Variants in TMTC4 observed in about 807,000 individuals in gnomAD.
TMTC4 encodes protein O-mannosyl-transferase TMTC4.
In TMTC4, 65 loss-of-function variants were observed where a neutral mutation model predicts 86.0. The ratio of observed to expected loss-of-function variants is 0.76; its 90% confidence interval spans 0.62 to 0.93. The LOEUF (loss-of-function observed/expected upper bound fraction) is 0.93, where lower values mean the gene tolerates loss of function less well. TMTC4 is among the 40% of genes least tolerant of loss of function. The pLI is 0.00. For missense variants in TMTC4, 866 were observed against 948.1 expected, an observed-to-expected ratio of 0.91 and a Z score of 1.14; for synonymous variants, 379 against 382.5, an observed-to-expected ratio of 0.99 and a Z score of 0.11.
In TMTC4 at chr13:100,674,234, G is replaced by A. The variant is rs1260778597; in HGVS notation, c.-208+510C>T. ...CTCCGCAGCCGAGCGTGGAGTAGCA[G>A]GCGCTCGCGGCGCGGCGGGGGAGCC... is the stretch of plus-strand genomic sequence containing the variant. On this transcript the variant is annotated intron_variant, in intron 1 of 18. Coordinates refer to ENST00000342624, the MANE Select transcript of TMTC4 (RefSeq NM_032813.5). The A allele has an allele frequency of 1.3e-5, 13 of 980,862 alleles. No individual in the cohort carries two copies. In the East Asian group the frequency reaches 1.3e-3, roughly 96 times the overall value. 60.8% of individuals were successfully genotyped at this position (980,862 alleles called of 1,614,324 possible).
chr13:100,658,828 G>A (rs1039394345), intron 5 of TMTC4, among the ~76,000 whole-genome samples: 1 of 152,214 alleles, frequency 6.6e-6, no homozygotes, highest in Admixed American at 6.5e-5. Flanking sequence ...AGTATGGGAA[G>A]TGTTTTAAAG....
chr13:100,642,711 G>T (rs1190018600), intron 6 of TMTC4, among the ~76,000 whole-genome samples: 2 of 152,166 alleles, frequency 1.3e-5, no homozygotes, highest in African/African-American at 4.8e-5. Flanking sequence ...GACCCCAATG[G>T]TCACTGCTGC....
chr13:100,638,263 C>T lies in TMTC4; in HGVS notation c.742-241G>A, dbSNP rs570345718. 7.9e-5 allele frequency: 32 copies of T among 404,892 alleles called. No individual in the cohort carries two copies. The East Asian group carries it at 9.9e-4, about 13-fold the overall frequency. 25.1% of individuals were successfully genotyped at this position (404,892 alleles called of 1,614,324 possible). On this transcript the variant is annotated intron_variant, in intron 7 of 18. Coordinates refer to ENST00000342624, the MANE Select transcript of TMTC4 (RefSeq NM_032813.5). ...CTGATAGTAATGATTTCACAGTCTG[C>T]GTGTAGGAGTTCTACAAGATTCAGG...
chr13:100,660,006 A>G (rs1885571112), intron 5 of TMTC4, among the ~76,000 whole-genome samples: 1 of 150,878 alleles, frequency 6.6e-6, no homozygotes, highest in Non-Finnish European at 1.5e-5. Flanking sequence ...GTAAAGACCT[A>G]AAACATATTA....
At chr13:100,654,351 AC>A (rs1884815709) in intron 6 of TMTC4, among the ~76,000 whole-genome samples, 1 of 152,224 alleles carries the variant, frequency 6.6e-6, no homozygotes, top group South Asian at 2.1e-4. Context: ...AAAGAATGTT[AC>A]CGGACAAAAA....
rs367853131 is a variant in TMTC4, at chr13:100,634,655, A to T, written c.1506+150T>A. ...TTTAATGAATCTTATCAAAATCATT[A>T]AAAAAAACCATACATAACAAAGAAA... On this transcript the variant is annotated intron_variant, in intron 12 of 18. Coordinates refer to ENST00000342624, the MANE Select transcript of TMTC4 (RefSeq NM_032813.5). The T allele has an allele frequency of 1.2e-4, 121 of 1,013,864 alleles. No homozygotes were observed. The African/African-American group carries it at 1.7e-3, about 15-fold the overall frequency. 62.8% of individuals were successfully genotyped at this position (1,013,864 alleles called of 1,614,324 possible). A position where few individuals can be genotyped will look rare whatever the true frequency, so the allele number is the denominator to read the frequency against.
At chr13:100,671,057 A>G (rs1428639608) in intron 1 of TMTC4, among the ~76,000 whole-genome samples, 2 of 152,254 alleles carry the variant, frequency 1.3e-5, no homozygotes, top group Non-Finnish European at 2.9e-5. Context: ...AGGAAAACAA[A>G]TAATTTATAG....
chr13:100,665,704 A>T (rs2139047026), intron 3 of TMTC4, among the ~76,000 whole-genome samples: 1 of 152,358 alleles, frequency 6.6e-6, no homozygotes, highest in Non-Finnish European at 1.5e-5. Flanking sequence ...GGCCCCAAAG[A>T]GCAACAAAGG....
intron 17 of TMTC4, among the ~76,000 whole-genome samples, chr13:100,606,865 G>A (rs192033110): frequency 1.2e-4 from 18 of 152,250 alleles, no homozygotes; most frequent in Non-Finnish European, 2.1e-4. Flanking sequence ...ACTCTGGGCC[G>A]CCCAGAAGCA....
At chr13:100,613,848 T>C (rs12021002) in intron 16 of TMTC4, among the ~76,000 whole-genome samples, 46 of 17,250 alleles carry the variant, frequency 2.7e-3, no homozygotes, top group Admixed American at 0.015. Context: ...CGCCCCCCCC[T>C]TTTTTTTTGA....
chr13:100,674,350 C>T (rs2139096335), intron 1 of TMTC4: 1 of 978,268 alleles, frequency 1.0e-6, no homozygotes, highest in East Asian at 1.2e-4. Flanking sequence ...CGCGGGGCCC[C>T]GCGGCCAGAT....
chr13:100,612,290 G>A, intron 17 of TMTC4, 108 bp downstream of exon 17: 1 of 834,378 alleles, frequency 1.2e-6, no homozygotes, highest in Non-Finnish European at 1.9e-6. Flanking sequence ...GTGCACCACT[G>A]CCACTGTTTT....
At chr13:100,628,164 G>C (rs1880826629) in intron 12 of TMTC4, among the ~76,000 whole-genome samples, 1 of 152,160 alleles carries the variant, frequency 6.6e-6, no homozygotes, top group Non-Finnish European at 1.5e-5. Flanking sequence ...TCCATCTCCA[G>C]AGTTCTTTCA....
intron 15 of TMTC4, among the ~76,000 whole-genome samples, chr13:100,622,379 C>T (rs772636602): frequency 3.9e-5 from 6 of 152,100 alleles, no homozygotes; most frequent in Admixed American, 2.0e-4. Flanking sequence ...AATAAAAATG[C>T]GGTGATATGG....
intron 3 of TMTC4, chr13:100,668,267 C>A: frequency 4.8e-6 from 1 of 206,426 alleles, no homozygotes; most frequent in Non-Finnish European, 9.6e-6. Context: ...ATCTGGAATA[C>A]TAAGTCTGCA....
intron 6 of TMTC4, among the ~76,000 whole-genome samples, chr13:100,652,307 C>T (rs1241728550): frequency 2.0e-5 from 3 of 151,916 alleles, no homozygotes; most frequent in African/African-American, 4.8e-5. Context: ...GGCGAAACCC[C>T]GTCTCTACTA....
chr13:100,630,441 A>G (rs1881199691), intron 12 of TMTC4, among the ~76,000 whole-genome samples: 1 of 152,230 alleles, frequency 6.6e-6, no homozygotes, highest in Non-Finnish European at 1.5e-5. Context: ...ATTATTGTCC[A>G]TTCATAGGTA....
intron 5 of TMTC4, among the ~76,000 whole-genome samples, chr13:100,660,456 T>C (rs1254263310): frequency 6.6e-6 from 1 of 151,966 alleles, no homozygotes; most frequent in Non-Finnish European, 1.5e-5. Context: ...ACTGAGGCAG[T>C]TTACTAACCA....
At chr13:100,672,164 C>T (rs1238930954) in intron 1 of TMTC4, among the ~76,000 whole-genome samples, 1 of 152,162 alleles carries the variant, frequency 6.6e-6, no homozygotes, top group East Asian at 1.9e-4. Flanking sequence ...CTTCCCAGTC[C>T]CTGACTGCCT....
Sources: allele counts gnomAD v4.1 joint callset (sites outside exome capture counted in the v4.1 genomes callset), GRCh38; gene constraint gnomAD v4.1.1; transcripts MANE v1.5; gene names NCBI Gene and HGNC (gene_info 2026-07-23, HGNC 2026-07-21).